RBFOX1: variants seen among roughly 807,000 people sequenced by gnomAD.
The protein encoded by RBFOX1 is RNA binding fox-1 homolog 1, also known as RNA binding protein fox-1 homolog 1.
Under a neutral mutation model 57.7 loss-of-function variants are expected in RBFOX1, and 8 were observed. The observed-to-expected ratio is 0.14, with a 90% CI of 0.08 to 0.25. RBFOX1 has a LOEUF of 0.25. Ranked by LOEUF, RBFOX1 falls within the 10% of genes least tolerant of loss-of-function variation. RBFOX1 has a pLI of 1.00. For missense variants in RBFOX1, 611 were observed against 548.5 expected (o/e 1.11, Z -1.14); for synonymous variants, 326 against 222.4 (o/e 1.47, Z -4.15).
chr16:6,806,726 C>A (rs2086850607), intron 3 of RBFOX1, among the ~76,000 whole-genome samples: 1 of 148,464 alleles, frequency 6.7e-6, no homozygotes, highest in African/African-American at 2.5e-5. Flanking sequence ...ACCAGGGGAG[C>A]ATCTTTCTGT....
intron 1 of RBFOX1, among the ~76,000 whole-genome samples, chr16:6,243,367 G>A (rs1384679238): frequency 6.6e-6 from 1 of 152,270 alleles, no homozygotes; most frequent in East Asian, 1.9e-4. Context: ...TACTTCTGGA[G>A]GTTTGGAAAG....
chr16:7,699,366 A>C (rs1327647242), intron 14 of RBFOX1, among the ~76,000 whole-genome samples: 2 of 151,944 alleles, frequency 1.3e-5, no homozygotes, highest in African/African-American at 2.4e-5. Context: ...TGATATCTTA[A>C]TTTTTTGAAG....
At chr16:6,789,062 A>T (rs915392568) in intron 3 of RBFOX1, among the ~76,000 whole-genome samples, 14 of 152,140 alleles carry the variant, frequency 9.2e-5, no homozygotes, top group Admixed American at 9.2e-4. Flanking sequence ...GGATGTCGCG[A>T]AATTGCCTAT....
chr16:6,079,083 C>A (rs1016873517), intron 1 of RBFOX1, among the ~76,000 whole-genome samples: 7 of 152,090 alleles, frequency 4.6e-5, no homozygotes, highest in African/African-American at 1.7e-4. Context: ...CTGAGGCAGG[C>A]AGATCACTTG....
rs1173002827 is a variant in RBFOX1 at position 7,029,067 on chromosome 16, TATATATATATATATACAC to T, written c.-15-22988_-15-22971del. ...AAAGCTATATATATATATATATATA[TATATATATATATATACAC>T]ACACACACACACACACACACACACA... On this transcript the variant is annotated intron_variant, in intron 3 of 15. Coordinates refer to ENST00000550418, the MANE Select transcript of RBFOX1 (RefSeq NM_018723.4). Among the ~76,000 whole-genome samples the T allele has an allele frequency of 1.1e-3, 38 of 34,672 alleles. 1 individual carries two copies. Among genetic ancestry groups the T allele is most frequent in the African/African-American group, 5.9e-3 (32 of 5,390 alleles). 22.7% of individuals were successfully genotyped at this position (34,672 alleles called of 152,430 possible).
intron 3 of RBFOX1, among the ~76,000 whole-genome samples, chr16:6,836,823 G>A (rs1302664010): frequency 6.6e-6 from 1 of 152,174 alleles, no homozygotes; most frequent in African/African-American, 2.4e-5. Context: ...AAAAAATCAA[G>A]TAAATATTAT....
At chr16:5,393,180 C>A (rs1025458398) in intron 1 of RBFOX1, among the ~76,000 whole-genome samples, 2 of 152,132 alleles carry the variant, frequency 1.3e-5, no homozygotes, top group Non-Finnish European at 2.9e-5. Context: ...TCTCTGATGG[C>A]TGTGAGTGCC....
At position 5,305,758 on chromosome 16, in the gene RBFOX1, G is replaced by A. The variant is rs998360319; in HGVS notation, c.219+65653G>A. ...GTTTTAAACAGCGAATTATACTTCA[G>A]TTTTAGAATGGTGAGTAAGCCAGAT... On this transcript the variant is annotated intron_variant, in intron 1 of 2. Transcript: ENST00000585867. 5.9e-5 allele frequency among the ~76,000 whole-genome samples: 9 copies of A among 152,304 alleles called. 1 individual carries two copies. In the South Asian group the frequency reaches 1.9e-3, roughly 32 times the overall value.
intron 3 of RBFOX1, among the ~76,000 whole-genome samples, chr16:5,831,903 A>C (rs2056288396): frequency 6.6e-6 from 1 of 152,178 alleles, no homozygotes; most frequent in Non-Finnish European, 1.5e-5. Context: ...TGGTCACCCC[A>C]AGTTTCTACT....
intron 3 of RBFOX1, among the ~76,000 whole-genome samples, chr16:6,832,652 C>T (rs980776586): frequency 3.3e-5 from 5 of 152,266 alleles, no homozygotes; most frequent in Admixed American, 2.0e-4. Flanking sequence ...GCTGCCATGC[C>T]TGTGCACTTC....
chr16:7,182,422 T>G (rs546290632), intron 4 of RBFOX1, among the ~76,000 whole-genome samples: 1 of 152,328 alleles, frequency 6.6e-6, no homozygotes, highest in South Asian at 2.1e-4. Flanking sequence ...GTTCATGTTC[T>G]TGGCTCGAAA....
In RBFOX1 at chr16:5,816,659, CT is replaced by C. The variant is rs754851728; in HGVS notation, c.319-50643del. Among the ~76,000 whole-genome samples, 9 of 152,170 alleles carry C rather than the reference CT, an allele frequency of 5.9e-5. No individual in the cohort carries two copies. The East Asian group carries it at 1.6e-3, about 26-fold the overall frequency. ...ATTAGCCAGATGTCATGGATTGTGC[CT>C]ATAGTCCCAACTACTAGGGAGGCTG... is the stretch of plus-strand genomic sequence containing the variant. On this transcript the variant is annotated intron_variant, in intron 3 of 19. Coordinates refer to the RBFOX1 transcript ENST00000641259.
At chr16:5,719,525 C>A (rs7199215) in intron 3 of RBFOX1, among the ~76,000 whole-genome samples, 1 of 151,686 alleles carries the variant, frequency 6.6e-6, no homozygotes, top group Non-Finnish European at 1.5e-5. Flanking sequence ...TTATTATTAA[C>A]CAAAATAAGC....
intron 4 of RBFOX1, among the ~76,000 whole-genome samples, chr16:7,396,463 A>G (rs975702114): frequency 1.3e-5 from 2 of 151,494 alleles, no homozygotes; most frequent in African/African-American, 4.8e-5. Flanking sequence ...TTTTATTGCC[A>G]TTTCTGCGCT....
chr16:6,824,108 T>A (rs2091773828), intron 3 of RBFOX1, among the ~76,000 whole-genome samples: 2 of 152,306 alleles, frequency 1.3e-5, no homozygotes, highest in South Asian at 2.1e-4. Flanking sequence ...GTTTCCAGAA[T>A]GTAAATAGTT....
intron 4 of RBFOX1, among the ~76,000 whole-genome samples, chr16:7,387,438 A>T (rs8051460): frequency 2.0e-3 from 301 of 152,294 alleles, no homozygotes; most frequent in Admixed American, 3.2e-3. Flanking sequence ...ATATTCATTC[A>T]TATACCCCTG....
Position 5,339,751 on chromosome 16 carries a change from A to T in RBFOX1, c.219+99646A>T, listed in dbSNP as rs114741758. ...GCCTCAAGTCCTCAGAGCAAAGTGG[A>T]TCGAGCAAGTGGGTCAGGGGTGAAC... On this transcript the variant is annotated intron_variant, in intron 1 of 2. Transcript: ENST00000585867. 4.1e-3 allele frequency among the ~76,000 whole-genome samples: 627 copies of T among 152,060 alleles called. 6 individuals are homozygous for T. The highest frequency in any genetic ancestry group is 0.014 in the African/African-American group (586 of 41,496).
At chr16:6,877,695 T>C (rs1296146727) in intron 3 of RBFOX1, among the ~76,000 whole-genome samples, 2 of 152,156 alleles carry the variant, frequency 1.3e-5, no homozygotes, top group South Asian at 2.1e-4. Context: ...TCTCTGTGTA[T>C]AGTGAGAAAA....
intron 4 of RBFOX1, among the ~76,000 whole-genome samples, chr16:7,360,117 A>G (rs1350544579): frequency 2.0e-5 from 3 of 152,262 alleles, no homozygotes; most frequent in Admixed American, 6.5e-5. Flanking sequence ...GGATTCAACC[A>G]AAAGACAGAT....
Sources: allele counts gnomAD v4.1 joint callset (sites outside exome capture counted in the v4.1 genomes callset), GRCh38; gene constraint gnomAD v4.1.1; transcripts MANE v1.5; gene names NCBI Gene and HGNC (gene_info 2026-07-23, HGNC 2026-07-21).